The following HEMK2 variants were observed in gnomAD, a reference collection of about 807,000 sequenced individuals.
The protein encoded by HEMK2 is HemK methyltransferase 2, ETF1 glutamine and histone H4 lysine.
At chr21:28,727,151 A>G in the HEMK2 span, among the ~76,000 whole-genome samples, 1 of 152,132 alleles carries the variant, frequency 6.6e-6, no homozygotes, top group Non-Finnish European at 1.5e-5. Flanking sequence ...GCCTATGGAG[A>G]GATGAGTCTG....
the HEMK2 span, among the ~76,000 whole-genome samples, chr21:28,757,383 A>G: frequency 2.3e-3 from 347 of 152,226 alleles, 1 homozygote; most frequent in African/African-American, 7.8e-3. Flanking sequence ...TTAAAGAAAT[A>G]TATGTTAGAT....
chr21:28,798,663 C>T, the HEMK2 span, among the ~76,000 whole-genome samples: 1 of 152,230 alleles, frequency 6.6e-6, no homozygotes, highest in East Asian at 1.9e-4. Flanking sequence ...GAAATGGTAG[C>T]ACCAGAGCTG....
chr21:28,722,969 C>T, the HEMK2 span, among the ~76,000 whole-genome samples: 2 of 151,850 alleles, frequency 1.3e-5, no homozygotes, highest in East Asian at 1.9e-4. Context: ...GCAGGATCTG[C>T]ATCTTCAGAA....
chr21:28,642,815 G>C, the HEMK2 span, among the ~76,000 whole-genome samples: 1 of 152,138 alleles, frequency 6.6e-6, no homozygotes, highest in African/African-American at 2.4e-5. Flanking sequence ...TCAGCTGCTT[G>C]ATACAAGCTG....
At chr21:28,604,204 C>CT in the HEMK2 span, among the ~76,000 whole-genome samples, 4 of 152,100 alleles carry the variant, frequency 2.6e-5, no homozygotes, top group African/African-American at 9.7e-5. Flanking sequence ...TGGATTTTGT[C>CT]TTTTTCCTTT....
the HEMK2 span, among the ~76,000 whole-genome samples, chr21:28,839,645 G>C: frequency 5.3e-4 from 81 of 151,826 alleles, 1 homozygote; most frequent in Non-Finnish European, 9.4e-4. Context: ...AAAATACTTA[G>C]GAATATACTA....
the HEMK2 span, among the ~76,000 whole-genome samples, chr21:28,848,744 C>G: frequency 6.6e-6 from 1 of 152,142 alleles, no homozygotes; most frequent in Non-Finnish European, 1.5e-5. Flanking sequence ...TAATATTCAA[C>G]AACTGAAAAT....
the HEMK2 span, among the ~76,000 whole-genome samples, chr21:28,577,758 A>C: frequency 6.6e-6 from 1 of 152,296 alleles, no homozygotes; most frequent in South Asian, 2.1e-4. Flanking sequence ...GTAACTGTAC[A>C]TCATGTAGTT....
At chr21:28,687,948 CCTAA>C in the HEMK2 span, among the ~76,000 whole-genome samples, 61 of 152,146 alleles carry the variant, frequency 4.0e-4, no homozygotes, top group African/African-American at 1.3e-3. Context: ...GGTCTTTTTA[CCTAA>C]CTGTTTCTTT....
the HEMK2 span, among the ~76,000 whole-genome samples, chr21:28,753,866 G>A: frequency 2.0e-5 from 3 of 152,036 alleles, no homozygotes; most frequent in African/African-American, 7.3e-5. Flanking sequence ...CTCCTTTTTT[G>A]GGATGCTCCT....
At chr21:28,796,546 CA>C in the HEMK2 span, among the ~76,000 whole-genome samples, 3 of 152,064 alleles carry the variant, frequency 2.0e-5, no homozygotes, top group Non-Finnish European at 2.9e-5. Flanking sequence ...AAAAAATGCA[CA>C]GAATTAATAA....
the HEMK2 span, among the ~76,000 whole-genome samples, chr21:28,831,471 G>GAAAAGAAAAGAAAAGA: frequency 3.5e-5 from 1 of 28,816 alleles, no homozygotes; most frequent in African/African-American, 2.2e-4. Flanking sequence ...ACGAAAGAAA[G>GAAAAGAAAAGAAAAGA]AAAGAAAGAA....
At chr21:28,738,703 C>T in the HEMK2 span, among the ~76,000 whole-genome samples, 163 of 152,344 alleles carry the variant, frequency 1.1e-3, no homozygotes, top group African/African-American at 3.8e-3. Context: ...AACAACAGAG[C>T]TTACGTCCTA....
chr21:28,846,660 G>C, the HEMK2 span, among the ~76,000 whole-genome samples: 93 of 152,100 alleles, frequency 6.1e-4, no homozygotes, highest in African/African-American at 2.1e-3. Context: ...TTTAGGTTCA[G>C]GGGTACATGT....
chr21:28,583,557 T>G, the HEMK2 span, among the ~76,000 whole-genome samples: 1 of 152,182 alleles, frequency 6.6e-6, no homozygotes, highest in South Asian at 2.1e-4. Flanking sequence ...CTGAATAAAA[T>G]CATTTCCTGA....
chr21:28,693,138 G>T, the HEMK2 span, among the ~76,000 whole-genome samples: 8 of 151,938 alleles, frequency 5.3e-5, no homozygotes, highest in Non-Finnish European at 1.0e-4. Context: ...TTAAAAGGGG[G>T]GACTTTGTGG....
the HEMK2 span, among the ~76,000 whole-genome samples, chr21:28,617,070 T>C: frequency 1.1e-3 from 160 of 152,308 alleles, 3 homozygotes; most frequent in East Asian, 0.024. Context: ...AAATAAGACT[T>C]AGACATAGAA....
chr21:28,611,111 G>T, the HEMK2 span, among the ~76,000 whole-genome samples: 1 of 152,110 alleles, frequency 6.6e-6, no homozygotes, highest in African/African-American at 2.4e-5. Flanking sequence ...CTATCCATCA[G>T]CATATGGAAC....
chr21:28,642,009 T>C, the HEMK2 span, among the ~76,000 whole-genome samples: 4 of 152,296 alleles, frequency 2.6e-5, no homozygotes, highest in African/African-American at 9.6e-5. Context: ...GTACAGATGG[T>C]TCTGAATTCC....
Sources: allele counts gnomAD v4.1 joint callset (sites outside exome capture counted in the v4.1 genomes callset), GRCh38; gene constraint gnomAD v4.1.1; transcripts MANE v1.5; gene names NCBI Gene and HGNC (gene_info 2026-07-23, HGNC 2026-07-21).